The following KCTD15 variants were observed in gnomAD, a reference collection of about 807,000 sequenced individuals.
KCTD15 encodes BTB/POZ domain-containing protein KCTD15.
KCTD15 carries 11 observed loss-of-function variants against 27.2 expected under a neutral mutation model. The observed-to-expected ratio is 0.41, with a 90% CI of 0.25 to 0.67. KCTD15 has a LOEUF of 0.67. Among genes scored for constraint, KCTD15 ranks in the 30% least tolerant of loss-of-function variants. The pLI is 0.35. For missense variants in KCTD15, 350 were observed against 409.3 expected, an observed-to-expected ratio of 0.86 and a Z score of 1.25; for synonymous variants, 163 against 176.0, an observed-to-expected ratio of 0.93 and a Z score of 0.58.
rs1975537116 is a variant in KCTD15 at position 33,801,326 on chromosome 19, A to G, written c.226A>G (p.Lys76Glu). ...MYTSSLATLT[K>E]YPDSRISRLF... Reference sequence around the variant, plus strand: ...CACCAGCAGCCTGGCCACGCTCACCAAGTACCCTGACTCCAGGTAAGAGTA... The same window carrying G: ...CACCAGCAGCCTGGCCACGCTCACCGAGTACCCTGACTCCAGGTAAGAGTA... Residue 76 changes from lysine to glutamate, a missense_variant, in exon 4 of 7, where the codon AAG becomes GAG. Coordinates refer to ENST00000683859, the MANE Select transcript of KCTD15 (RefSeq NM_001129994.2). 1 of 1,610,756 alleles carries G rather than the reference A, an allele frequency of 6.2e-7. No individual in the cohort carries two copies. Among genetic ancestry groups the G allele is most frequent in the Admixed American group, 1.7e-5 (1 of 59,710 alleles).
intron 6 of KCTD15, chr19:33,812,425 G>C (rs903199787): frequency 1.9e-6 from 2 of 1,062,254 alleles, no homozygotes; most frequent in Non-Finnish European, 2.3e-6. Flanking sequence ...ACTCAGGGAG[G>C]ACACTTGGGG....
At position 33,800,320 on chromosome 19, in the gene KCTD15, G is replaced by T. The variant is rs574226358; in HGVS notation, c.-27-108G>T. 4 of 874,736 alleles carry T rather than the reference G, an allele frequency of 4.6e-6. No homozygotes were observed. The African/African-American group carries it at 5.0e-5, about 11-fold the overall frequency. The allele number at this position is 874,736 out of a possible 1,614,324, so 54.2% of individuals were successfully genotyped here. On this transcript the variant is annotated intron_variant, in intron 2 of 6. Coordinates refer to ENST00000683859, the MANE Select transcript of KCTD15 (RefSeq NM_001129994.2). ...AATCAGGGAGGGCTGCATGGACCTC[G>T]CAGGGTCTCAGAGAGCATGCAGAAA...
intron 4 of KCTD15, among the ~76,000 whole-genome samples, chr19:33,802,329 C>T (rs2145447040): frequency 6.6e-6 from 1 of 152,292 alleles, no homozygotes; most frequent in Non-Finnish European, 1.5e-5. Context: ...AATTAATCCC[C>T]CAGATACTGA....
At chr19:33,810,261 G>T (rs1568382159) in intron 5 of KCTD15, among the ~76,000 whole-genome samples, 1 of 152,260 alleles carries the variant, frequency 6.6e-6, no homozygotes, top group Non-Finnish European at 1.5e-5. Context: ...CTGCGTGGCA[G>T]GGGGCGGGCT....
chr19:33,806,768 G>A lies in KCTD15; in HGVS notation c.243-95G>A, dbSNP rs1975723774. The A allele has an allele frequency of 2.8e-6, 4 of 1,427,838 alleles. No individual in the cohort carries two copies. The Admixed American group carries it at 7.5e-5, about 27-fold the overall frequency. The allele number at this position is 1,427,838 out of a possible 1,614,324, so 88.4% of individuals were successfully genotyped here. On this transcript the variant is annotated intron_variant, in intron 4 of 6. Coordinates refer to ENST00000683859, the MANE Select transcript of KCTD15 (RefSeq NM_001129994.2). Reference sequence around the variant, plus strand: ...CCATGTCAGGTCCCTCGCCCCTCCAGCCGTGTGGGCCCTCAGGAGTGGGGG... The same window carrying A: ...CCATGTCAGGTCCCTCGCCCCTCCAACCGTGTGGGCCCTCAGGAGTGGGGG...
At chr19:33,795,810 A>C (rs1305454871), upstream of KCTD15, 1 of 151,730 alleles carries the variant, frequency 6.6e-6, no homozygotes, top group African/African-American at 2.4e-5. Context: ...CGCCGTCTCC[A>C]TCGCGCCGCG....
At chr19:33,795,864 G>C (rs1265994606), upstream of KCTD15, 2 of 152,198 alleles carry the variant, frequency 1.3e-5, no homozygotes, top group East Asian at 2.0e-4. Context: ...GGTCGGCCCG[G>C]TGCCCCAGCG....
intron 6 of KCTD15, chr19:33,811,981 G>A (rs113329271): frequency 2.7e-6 from 4 of 1,488,184 alleles, no homozygotes; most frequent in African/African-American, 2.8e-5. Context: ...CAGCTGCCAA[G>A]AGAATCCCTG....
intron 4 of KCTD15, 100 bp downstream of exon 4, chr19:33,801,442 C>G: frequency 9.5e-7 from 1 of 1,051,786 alleles, no homozygotes; most frequent in Non-Finnish European, 1.3e-6. Context: ...GTCACTCCAC[C>G]CACCAGGGTC....
rs1976053827 is a variant in KCTD15, at chr19:33,815,118, G to A, written c.*2170G>A. The A allele has an allele frequency of 6.6e-6, 1 of 152,168 alleles. No homozygotes were observed. The highest frequency in any genetic ancestry group is 2.1e-4 in the South Asian group (1 of 4,830). The allele number at this position is 152,168 out of a possible 1,614,324, so 9.4% of individuals were successfully genotyped here. A position where few individuals can be genotyped will look rare whatever the true frequency, so the allele number is the denominator to read the frequency against. On this transcript the variant is annotated 3_prime_UTR_variant, in exon 7 of 7. Coordinates refer to ENST00000683859, the MANE Select transcript of KCTD15 (RefSeq NM_001129994.2). Reference sequence around the variant, plus strand: ...TTTTTCTGATATAACAGCCAGCATGGTTACCGAGTGGTAGAGATTCTCGAA... The same window carrying A: ...TTTTTCTGATATAACAGCCAGCATGATTACCGAGTGGTAGAGATTCTCGAA...
intron 4 of KCTD15, chr19:33,801,684 A>AG (rs1490502273): frequency 4.7e-6 from 1 of 213,936 alleles, no homozygotes; most frequent in Non-Finnish European, 9.2e-6. Context: ...GTTCCTCTGG[A>AG]GGGAGACTTA....
intron 6 of KCTD15, 25 bp downstream of exon 6, chr19:33,811,577 C>G: frequency 6.4e-7 from 1 of 1,572,048 alleles, no homozygotes; most frequent in Non-Finnish European, 8.6e-7. Context: ...CTGCCCCCTC[C>G]CCGCCGCACC....
Position 33,803,257 on chromosome 19 carries a change from A to C in KCTD15, c.242+1915A>C, listed in dbSNP as rs995826510. 2.0e-5 allele frequency among the ~76,000 whole-genome samples: 3 copies of C among 152,236 alleles called. No homozygotes were observed. In the East Asian group the frequency reaches 5.8e-4, roughly 29 times the overall value. On this transcript the variant is annotated intron_variant, in intron 4 of 6. Transcript: ENST00000683859. ...CAGGACAATCAGGGGACAGGAGGCCAGGGGGCCTGAGAAGTGGGTCAGGCA... is the reference window on the plus strand; with the variant it reads ...CAGGACAATCAGGGGACAGGAGGCCCGGGGGCCTGAGAAGTGGGTCAGGCA...
In KCTD15 at chr19:33,813,263, A is replaced by G. The variant is rs2145503417; in HGVS notation, c.*315A>G. The G allele has an allele frequency of 1.7e-6, 1 of 605,196 alleles. No individual in the cohort carries two copies. Among genetic ancestry groups the G allele is most frequent in the Non-Finnish European group, 3.1e-6 (1 of 323,190 alleles). The allele number at this position is 605,196 out of a possible 1,614,324, so 37.5% of individuals were successfully genotyped here. ...CCGGGGCCTGTTGGGGCGGGGTTGG[A>G]AGAGCCGTCTGCAGCTACTTCAGAG... is the stretch of plus-strand genomic sequence containing the variant. On this transcript the variant is annotated 3_prime_UTR_variant, in exon 7 of 7. Transcript: ENST00000683859.
chr19:33,795,700 G>A (rs1297834319), upstream of KCTD15, among the ~76,000 whole-genome samples: 1 of 152,126 alleles, frequency 6.6e-6, no homozygotes, highest in African/African-American at 2.4e-5. Context: ...GGAAGGGGAG[G>A]AGGAGTGGGA....
chr19:33,807,679 C>A (rs1455061656), intron 5 of KCTD15, among the ~76,000 whole-genome samples: 1 of 152,154 alleles, frequency 6.6e-6, no homozygotes, highest in Non-Finnish European at 1.5e-5. Flanking sequence ...GAGATTGCGC[C>A]ACTGCACTCT....
intron 1 of KCTD15, chr19:33,798,187 G>A (rs1462063180): frequency 2.0e-5 from 3 of 152,336 alleles, no homozygotes; most frequent in South Asian, 2.1e-4. Flanking sequence ...CTTTCGCCCC[G>A]GGCCAGCGCC....
intron 4 of KCTD15, 71 bp from the exon 5 acceptor site, chr19:33,806,792 G>A: frequency 6.4e-7 from 1 of 1,557,398 alleles, no homozygotes. Flanking sequence ...CAGGAGTGGG[G>A]GCGGGGTGTG....
chr19:33,813,828 A>G lies in KCTD15; in HGVS notation c.*880A>G, dbSNP rs1976012310. ...TGTCAGCAGCGTCTTCTAGGTCCCC[A>G]GCTCAGGGAGCCATCCCCAGCTCCA... On this transcript the variant is annotated 3_prime_UTR_variant, in exon 7 of 7. Coordinates refer to ENST00000683859, the MANE Select transcript of KCTD15 (RefSeq NM_001129994.2). The G allele has an allele frequency of 6.3e-6, 1 of 157,806 alleles. No homozygotes were observed. Among genetic ancestry groups the G allele is most frequent in the Admixed American group, 6.4e-5 (1 of 15,702 alleles). 9.8% of individuals were successfully genotyped at this position (157,806 alleles called of 1,614,324 possible). A position where few individuals can be genotyped will look rare whatever the true frequency, so the allele number is the denominator to read the frequency against.
Sources: gnomAD v4.1 joint callset for allele counts (sites outside exome capture counted in the v4.1 genomes callset) on GRCh38, gnomAD v4.1.1 for gene constraint, MANE v1.5 for transcripts, NCBI Gene and HGNC (gene_info 2026-07-23, HGNC 2026-07-21) for gene names.